BMPR1B: variants seen among roughly 807,000 people sequenced by gnomAD.
The protein encoded by BMPR1B is bone morphogenetic protein receptor type 1B, also known as bone morphogenetic protein receptor type-1B.
BMPR1B carries 12 observed loss-of-function variants against 59.1 expected under a neutral mutation model. That is an observed-to-expected ratio of 0.20 (90% confidence interval 0.13 to 0.33). BMPR1B has a LOEUF of 0.33. Ranked by LOEUF, BMPR1B falls within the 10% of genes least tolerant of loss-of-function variation. The probability of loss-of-function intolerance (pLI) is 1.00; values close to 1 mark genes in which losing one functional copy is unlikely to be tolerated. For missense variants in BMPR1B, 550 were observed against 610.9 expected (o/e 0.90, Z 1.05); for synonymous variants, 237 against 207.3 (o/e 1.14, Z -1.23).
intron 3 of BMPR1B, among the ~76,000 whole-genome samples, chr4:95,060,650 G>C (rs540160474): frequency 6.6e-6 from 1 of 152,260 alleles, no homozygotes; most frequent in Admixed American, 6.5e-5. Context: ...GAAGCGCCTG[G>C]AAATCTGTTC....
At chr4:94,868,059 C>T (rs1314467305) in intron 1 of BMPR1B, among the ~76,000 whole-genome samples, 1 of 149,782 alleles carries the variant, frequency 6.7e-6, no homozygotes, top group Non-Finnish European at 1.5e-5. Flanking sequence ...GATGGGGTTT[C>T]ACCATGTTGC....
chr4:94,857,046 CTG>C (rs921363648), intron 1 of BMPR1B, among the ~76,000 whole-genome samples: 2 of 152,068 alleles, frequency 1.3e-5, no homozygotes, highest in African/African-American at 4.8e-5. Flanking sequence ...ATTTTAAAAA[CTG>C]AAGTAAAGAG....
intron 1 of BMPR1B, among the ~76,000 whole-genome samples, chr4:94,846,412 A>G (rs544431315): frequency 3.9e-4 from 60 of 152,254 alleles, no homozygotes; most frequent in African/African-American, 1.4e-3. Flanking sequence ...ATTTGAGTCA[A>G]TGGGCTGGGA....
intron 3 of BMPR1B, among the ~76,000 whole-genome samples, chr4:95,058,563 A>C (rs1383449437): frequency 1.3e-5 from 2 of 152,196 alleles, no homozygotes; most frequent in African/African-American, 4.8e-5. Context: ...GTAACAGGAC[A>C]TCTTAAAATT....
At chr4:94,858,018 T>C (rs541405861) in intron 1 of BMPR1B, among the ~76,000 whole-genome samples, 7 of 152,194 alleles carry the variant, frequency 4.6e-5, no homozygotes, top group Non-Finnish European at 1.0e-4. Context: ...CAATCTTGGC[T>C]CACTGCAAGC....
intron 1 of BMPR1B, among the ~76,000 whole-genome samples, chr4:94,868,684 T>C (rs1309352800): frequency 1.3e-5 from 2 of 152,268 alleles, no homozygotes; most frequent in Non-Finnish European, 2.9e-5. Flanking sequence ...TGCCAGTGCT[T>C]GAGGCTGTGA....
chr4:94,989,381 C>G (rs1427818491), intron 2 of BMPR1B, among the ~76,000 whole-genome samples: 1 of 96,590 alleles, frequency 1.0e-5, no homozygotes, highest in Non-Finnish European at 2.2e-5. Flanking sequence ...GAGCGAGACT[C>G]CGTCTAAAAA....
chr4:94,934,459 T>TTTTTG (rs1729211983), intron 2 of BMPR1B, among the ~76,000 whole-genome samples: 1 of 149,024 alleles, frequency 6.7e-6, no homozygotes, highest in Non-Finnish European at 1.5e-5. Context: ...TATGGTTTTT[T>TTTTTG]TTTTTTTTTT....
intron 1 of BMPR1B, among the ~76,000 whole-genome samples, chr4:94,790,028 T>G (rs1372233483): frequency 6.6e-6 from 1 of 152,170 alleles, no homozygotes; most frequent in Non-Finnish European, 1.5e-5. Context: ...CCTTACGATT[T>G]TCTTAATAAC....
chr4:95,140,335 C>G (rs765186347), intron 10 of BMPR1B, among the ~76,000 whole-genome samples: 8 of 151,862 alleles, frequency 5.3e-5, no homozygotes, highest in Non-Finnish European at 7.4e-5. Context: ...TTCCTAACAC[C>G]AGAGATCCTA....
intron 1 of BMPR1B, among the ~76,000 whole-genome samples, chr4:94,812,550 T>C (rs936994960): frequency 2.0e-5 from 3 of 152,226 alleles, no homozygotes; most frequent in African/African-American, 4.8e-5. Flanking sequence ...CTGTAGGCAC[T>C]GGGAAGCTAT....
intron 2 of BMPR1B, among the ~76,000 whole-genome samples, chr4:94,984,632 T>C (rs3775033): frequency 0.95 from 145,285 of 152,284 alleles, 69,339 homozygotes; most frequent in Middle Eastern, 0.99. Context: ...AATGGACATA[T>C]TTTTATCGTG....
intron 10 of BMPR1B, among the ~76,000 whole-genome samples, chr4:95,135,677 G>A (rs903403262): frequency 8.5e-5 from 13 of 152,150 alleles, no homozygotes; most frequent in African/African-American, 3.1e-4. Context: ...TGTTATTTGT[G>A]TATAAGAATG....
chr4:95,015,635 C>G (rs549026321), intron 3 of BMPR1B, among the ~76,000 whole-genome samples: 4 of 152,210 alleles, frequency 2.6e-5, no homozygotes, highest in African/African-American at 9.6e-5. Flanking sequence ...GATCCTTTCA[C>G]CTCTGACTTC....
Position 94,919,656 on chromosome 4 carries a change from A to T in BMPR1B, c.-113+43756A>T, listed in dbSNP as rs552341722. On this transcript the variant is annotated intron_variant, in intron 2 of 12. Coordinates refer to ENST00000515059, the MANE Select transcript of BMPR1B (RefSeq NM_001203.3). ...TTTCTTCTCATACTCTCCCGTGGCC[A>T]CAAGGAGCAGGCCTTCTTTCTTCCT... Among the ~76,000 whole-genome samples, 275 of 152,278 alleles carry T rather than the reference A, an allele frequency of 1.8e-3. 3 individuals are homozygous for T. The highest frequency in any genetic ancestry group is 6.8e-3 in the Middle Eastern group (2 of 294).
chr4:94,924,565 A>C (rs987029947), intron 2 of BMPR1B, among the ~76,000 whole-genome samples: 1 of 152,126 alleles, frequency 6.6e-6, no homozygotes, highest in African/African-American at 2.4e-5. Context: ...CATGCATGTT[A>C]AGGTGGACTG....
chr4:94,858,400 G>A (rs1725853172), intron 1 of BMPR1B, among the ~76,000 whole-genome samples: 1 of 152,048 alleles, frequency 6.6e-6, no homozygotes, highest in African/African-American at 2.4e-5. Context: ...AAATAAATTT[G>A]GCTATAAAAC....
At chr4:95,051,797 A>G (rs1726523849) in intron 3 of BMPR1B, 4 of 1,532,730 alleles carry the variant, frequency 2.6e-6, no homozygotes, top group South Asian at 1.2e-5. Flanking sequence ...GCCCTCCACT[A>G]CAGTGCTGAT....
At chr4:95,033,865 A>C (rs561632368) in intron 3 of BMPR1B, among the ~76,000 whole-genome samples, 1 of 152,174 alleles carries the variant, frequency 6.6e-6, no homozygotes, top group East Asian at 1.9e-4. Context: ...ACCCCTGGAA[A>C]TGTAACATAT....
Sources: gnomAD v4.1 joint callset for allele counts (sites outside exome capture counted in the v4.1 genomes callset) on GRCh38, gnomAD v4.1.1 for gene constraint, MANE v1.5 for transcripts, NCBI Gene and HGNC (gene_info 2026-07-23, HGNC 2026-07-21) for gene names.